Variants in TMEM217 observed in about 807,000 individuals in gnomAD.
TMEM217 encodes chromosome 6 open reading frame 128.
For synonymous variants in TMEM217, 76 were observed against 88.3 expected (o/e 0.86, Z 0.78); for missense variants, 204 against 248.8 (o/e 0.82, Z 1.21).
intron 1 of TMEM217, 56 bp from the exon 2 acceptor site, chr6:37,219,097 AC>A: frequency 6.7e-7 from 1 of 1,489,404 alleles, no homozygotes; most frequent in Non-Finnish European, 9.1e-7. Flanking sequence ...ATGGTAAATT[AC>A]CAGGGTTTCT....
intron 1 of TMEM217, among the ~76,000 whole-genome samples, chr6:37,234,728 T>A (rs1035284754): frequency 2.6e-5 from 4 of 151,654 alleles, no homozygotes; most frequent in Admixed American, 2.0e-4. Context: ...AGAGTGAGAC[T>A]CCATCTCAAA....
downstream of TMEM217, chr6:37,213,100 G>A: frequency 1.3e-6 from 1 of 796,406 alleles, no homozygotes; most frequent in South Asian, 1.8e-5. Context: ...GAGCAATGAT[G>A]GTGTGTGGAC....
chr6:37,219,786 G>T (rs773190518), intron 1 of TMEM217, among the ~76,000 whole-genome samples: 1 of 152,014 alleles, frequency 6.6e-6, no homozygotes, highest in Non-Finnish European at 1.5e-5. Flanking sequence ...GGCTTCCATT[G>T]CTGCCCAGAT....
chr6:37,244,155 T>C (rs973304284), intron 1 of TMEM217, among the ~76,000 whole-genome samples: 1 of 152,220 alleles, frequency 6.6e-6, no homozygotes, highest in African/African-American at 2.4e-5. Context: ...AAAGGTGGTT[T>C]AGTTTTGGGA....
At chr6:37,230,741 C>T (rs1298384464) in intron 1 of TMEM217, among the ~76,000 whole-genome samples, 2 of 152,036 alleles carry the variant, frequency 1.3e-5, no homozygotes, top group Non-Finnish European at 1.5e-5. Flanking sequence ...TTATAGAAGC[C>T]CTAGCAAACC....
At chr6:37,249,043 A>G (rs1765246539) in intron 1 of TMEM217, among the ~76,000 whole-genome samples, 1 of 152,110 alleles carries the variant, frequency 6.6e-6, no homozygotes, top group South Asian at 2.1e-4. Context: ...TTCTGTCTGT[A>G]TCTTCTCTCA....
intron 1 of TMEM217, among the ~76,000 whole-genome samples, chr6:37,244,755 T>A (rs1764964697): frequency 6.6e-6 from 1 of 152,170 alleles, no homozygotes; most frequent in African/African-American, 2.4e-5. Context: ...GTTTGTGAGG[T>A]TCAGTTTATC....
intron 1 of TMEM217, among the ~76,000 whole-genome samples, chr6:37,229,943 C>A (rs532735437): frequency 6.6e-6 from 1 of 152,168 alleles, no homozygotes; most frequent in Admixed American, 6.5e-5. Context: ...CCTGGGCTAG[C>A]GGGACCCTTC....
At position 37,252,637 on chromosome 6, in the gene TMEM217, ATTTTTTTTTTT is replaced by A. The variant is rs374265453; in HGVS notation, c.-12+4920_-12+4930del. 9.0e-3 allele frequency among the ~76,000 whole-genome samples: 642 copies of A among 71,308 alleles called. 3 individuals are homozygous for A. The highest frequency in any genetic ancestry group is 0.014 in the Non-Finnish European group (510 of 35,568). The allele number at this position is 71,308 out of a possible 152,430, so 46.8% of individuals were successfully genotyped here. A position where few individuals can be genotyped will look rare whatever the true frequency, so the allele number is the denominator to read the frequency against. ...TGTGTGTATATATATATATATATAT[ATTTTTTTTTTT>A]TTTTTTTTTTTGACAGGGTCTCACT... is the stretch of plus-strand genomic sequence containing the variant. On this transcript the variant is annotated intron_variant, in intron 1 of 1. Coordinates refer to ENST00000357219, the Ensembl canonical transcript of TMEM217.
chr6:37,215,147 T>A (rs1442418728), downstream of TMEM217: 9 of 1,602,844 alleles, frequency 5.6e-6, no homozygotes, highest in Non-Finnish European at 7.7e-6. Context: ...TAACTTCCCT[T>A]TCTGCCGCTA....
At chr6:37,247,901 T>C (rs957984104) in intron 1 of TMEM217, among the ~76,000 whole-genome samples, 1 of 152,130 alleles carries the variant, frequency 6.6e-6, no homozygotes, top group Non-Finnish European at 1.5e-5. Context: ...TGGTTTTCCA[T>C]AGTTCTCGGG....
downstream of TMEM217, among the ~76,000 whole-genome samples, chr6:37,214,264 G>A (rs190989704): frequency 9.1e-4 from 139 of 151,966 alleles, 3 homozygotes; most frequent in East Asian, 0.021. Context: ...GTCTTGCTCT[G>A]TCACCCAGGC....
intron 1 of TMEM217, among the ~76,000 whole-genome samples, chr6:37,228,408 A>G (rs1010521801): frequency 6.6e-6 from 1 of 152,236 alleles, no homozygotes; most frequent in South Asian, 2.1e-4. Flanking sequence ...CTCCATCTCA[A>G]AAAATAATAA....
chr6:37,243,098 G>A (rs185010926), intron 1 of TMEM217, among the ~76,000 whole-genome samples: 1 of 151,878 alleles, frequency 6.6e-6, no homozygotes, highest in African/African-American at 2.4e-5. Context: ...CAGTTGCCCT[G>A]CCCCTACAAA....
intron 1 of TMEM217, among the ~76,000 whole-genome samples, chr6:37,226,650 C>T (rs547977813): frequency 6.6e-6 from 1 of 152,120 alleles, no homozygotes; most frequent in Non-Finnish European, 1.5e-5. Flanking sequence ...ACGATCTCGC[C>T]TCCCAGGTTA....
At chr6:37,252,472 C>A (rs1348633231) in intron 1 of TMEM217, among the ~76,000 whole-genome samples, 3 of 151,410 alleles carry the variant, frequency 2.0e-5, no homozygotes, top group African/African-American at 7.3e-5. Context: ...TACATGTATA[C>A]ATACATAACA....
downstream of TMEM217, chr6:37,212,855 T>C (rs1487772574): frequency 1.5e-6 from 2 of 1,341,482 alleles, no homozygotes; most frequent in Non-Finnish European, 2.1e-6. Flanking sequence ...ACGTAGATGC[T>C]GAACTTGGCC....
intron 1 of TMEM217, among the ~76,000 whole-genome samples, chr6:37,226,722 C>A (rs1247425432): frequency 6.6e-6 from 1 of 152,090 alleles, no homozygotes; most frequent in Non-Finnish European, 1.5e-5. Flanking sequence ...CAACCACACC[C>A]AGCTAATTTT....
At chr6:37,230,672 G>A (rs912251613) in intron 1 of TMEM217, among the ~76,000 whole-genome samples, 1 of 152,116 alleles carries the variant, frequency 6.6e-6, no homozygotes, top group East Asian at 1.9e-4. Flanking sequence ...CTTGATCTCA[G>A]AATTCAAGAA....
Sources: gnomAD v4.1 joint callset for allele counts (sites outside exome capture counted in the v4.1 genomes callset) on GRCh38, gnomAD v4.1.1 for gene constraint, MANE v1.5 for transcripts, NCBI Gene and HGNC (gene_info 2026-07-23, HGNC 2026-07-21) for gene names.